The following EFCAB6 variants were observed in gnomAD, a reference collection of about 807,000 sequenced individuals.
EFCAB6 encodes the protein EF-hand calcium binding domain 6.
Under a neutral mutation model 169.8 loss-of-function variants are expected in EFCAB6, and 156 were observed. The observed-to-expected ratio is 0.92, with a 90% CI of 0.81 to 1.05. The LOEUF is 1.05. Among genes scored for constraint, EFCAB6 ranks in the 50% least tolerant of loss-of-function variants. The pLI is 0.00. For synonymous variants in EFCAB6, 698 were observed against 676.4 expected, an observed-to-expected ratio of 1.03 and a Z score of -0.50; for missense variants, 1,800 against 1,829.1, an observed-to-expected ratio of 0.98 and a Z score of 0.29.
intron 26 of EFCAB6, among the ~76,000 whole-genome samples, chr22:43,564,662 T>A (rs2049307917): frequency 6.6e-6 from 1 of 152,058 alleles, no homozygotes; most frequent in Admixed American, 6.5e-5. Context: ...GAGGGCAGGC[T>A]CCCTAAGGGT....
At chr22:43,541,701 C>T (rs538007320) in intron 27 of EFCAB6, among the ~76,000 whole-genome samples, 63 of 152,322 alleles carry the variant, frequency 4.1e-4, no homozygotes, top group Admixed American at 2.0e-3. Context: ...TCAGCTCCCC[C>T]ACCTCTGTGT....
chr22:43,575,488 A>T (rs940205259), intron 26 of EFCAB6, among the ~76,000 whole-genome samples: 1 of 151,320 alleles, frequency 6.6e-6, no homozygotes, highest in African/African-American at 2.4e-5. Flanking sequence ...GATTACAGGC[A>T]TGAACCACCG....
chr22:43,615,962 T>G (rs780945838), intron 20 of EFCAB6, 40 bp from the exon 21 acceptor site: 4 of 1,538,444 alleles, frequency 2.6e-6, no homozygotes, highest in Non-Finnish European at 3.5e-6. Flanking sequence ...TGTTTAAATT[T>G]AATGGGCTCA....
At chr22:43,538,715 A>G (rs953000056) in intron 28 of EFCAB6, among the ~76,000 whole-genome samples, 1 of 152,124 alleles carries the variant, frequency 6.6e-6, no homozygotes, top group Non-Finnish European at 1.5e-5. Flanking sequence ...AGTCCCTCAG[A>G]TTATGTCACT....
intron 3 of EFCAB6, among the ~76,000 whole-genome samples, chr22:43,779,506 C>T (rs1296885111): frequency 6.6e-6 from 1 of 152,112 alleles, no homozygotes; most frequent in Non-Finnish European, 1.5e-5. Context: ...CTTTGGGAGG[C>T]CGAGGTGGGC....
chr22:43,705,532 G>A (rs574132772), intron 10 of EFCAB6, among the ~76,000 whole-genome samples: 63 of 152,182 alleles, frequency 4.1e-4, no homozygotes, highest in Middle Eastern at 3.4e-3. Flanking sequence ...TACCTTTTCT[G>A]ACCACAATGA....
At chr22:43,571,802 C>T (rs916389545) in intron 26 of EFCAB6, among the ~76,000 whole-genome samples, 2 of 152,160 alleles carry the variant, frequency 1.3e-5, no homozygotes, top group Non-Finnish European at 2.9e-5. Flanking sequence ...GAACTGCTTG[C>T]GGTCACCCCT....
intron 21 of EFCAB6, 107 bp from the exon 22 acceptor site, chr22:43,608,707 C>T: frequency 2.1e-6 from 2 of 955,816 alleles, no homozygotes; most frequent in Non-Finnish European, 3.3e-6. Context: ...ATCTGTATCC[C>T]CATCCACCTC....
intron 4 of EFCAB6, among the ~76,000 whole-genome samples, chr22:43,772,042 C>T (rs893916658): frequency 5.9e-5 from 9 of 152,090 alleles, no homozygotes; most frequent in Admixed American, 5.2e-4. Flanking sequence ...AGTTAAATGC[C>T]CCTCGTCCAG....
chr22:43,805,860 T>C (rs2062898195), intron 2 of EFCAB6, among the ~76,000 whole-genome samples: 1 of 152,152 alleles, frequency 6.6e-6, no homozygotes, highest in South Asian at 2.1e-4. Flanking sequence ...ATAAATAAAA[T>C]TTCTTTTAAG....
At chr22:43,554,432 C>G (rs755241908) in intron 27 of EFCAB6, 1 of 169,152 alleles carries the variant, frequency 5.9e-6, no homozygotes, top group Non-Finnish European at 1.3e-5. Flanking sequence ...TGCTGACTTG[C>G]CCCTTGCACT....
At chr22:43,548,569 A>AAAAAT (rs1569140151) in intron 27 of EFCAB6, among the ~76,000 whole-genome samples, 6 of 129,932 alleles carry the variant, frequency 4.6e-5, no homozygotes, top group African/African-American at 1.7e-4. Context: ...AAAAAAAAAA[A>AAAAAT]AGGTCAACTC....
chr22:43,605,543 T>TG (rs2052855253), intron 22 of EFCAB6, among the ~76,000 whole-genome samples: 1 of 152,028 alleles, frequency 6.6e-6, no homozygotes, highest in South Asian at 2.1e-4. Flanking sequence ...CTTGGGAGGC[T>TG]GAGACAGGAG....
At chr22:43,550,353 G>A (rs138230605) in intron 27 of EFCAB6, among the ~76,000 whole-genome samples, 1 of 152,266 alleles carries the variant, frequency 6.6e-6, no homozygotes, top group African/African-American at 2.4e-5. Flanking sequence ...TCCTAGGGGT[G>A]TCTGTTTTAG....
chr22:43,653,661 A>T (rs2056593768), intron 17 of EFCAB6, among the ~76,000 whole-genome samples: 1 of 152,206 alleles, frequency 6.6e-6, no homozygotes, highest in East Asian at 1.9e-4. Flanking sequence ...GCTTACCTGG[A>T]GCAGAAGCCA....
In EFCAB6 at chr22:43,765,809, GA is replaced by G. The variant is rs1040406889; in HGVS notation, c.352-417del. On this transcript the variant is annotated intron_variant, in intron 4 of 31. Coordinates refer to ENST00000262726, the MANE Select transcript of EFCAB6 (RefSeq NM_022785.4). ...AGTTTGTACATACAGTTTTAAGGTA[GA>G]AAAAAATCCATTTTTAAATTAAAAA... 2.6e-5 allele frequency among the ~76,000 whole-genome samples: 4 copies of G among 152,004 alleles called. No individual in the cohort carries two copies. In the East Asian group the frequency reaches 5.8e-4, roughly 22 times the overall value.
chr22:43,754,190 G>C (rs1440964578), intron 6 of EFCAB6, among the ~76,000 whole-genome samples: 1 of 152,204 alleles, frequency 6.6e-6, no homozygotes, highest in African/African-American at 2.4e-5. Flanking sequence ...GTAACAGCTG[G>C]CATTTATTAA....
At chr22:43,792,204 G>C (rs1263755718) in intron 2 of EFCAB6, among the ~76,000 whole-genome samples, 1 of 152,218 alleles carries the variant, frequency 6.6e-6, no homozygotes, top group Non-Finnish European at 1.5e-5. Context: ...TAGAAGAGAA[G>C]GCAAGTCGGG....
At chr22:43,539,063 C>T (rs2047544709) in intron 28 of EFCAB6, among the ~76,000 whole-genome samples, 1 of 152,166 alleles carries the variant, frequency 6.6e-6, no homozygotes. Context: ...GATTGCATCT[C>T]TCTAGCCCTG....
Sources: allele counts gnomAD v4.1 joint callset (sites outside exome capture counted in the v4.1 genomes callset), GRCh38; gene constraint gnomAD v4.1.1; transcripts MANE v1.5; gene names NCBI Gene and HGNC (gene_info 2026-07-23, HGNC 2026-07-21).